SMOC1: variants seen among roughly 807,000 people sequenced by gnomAD.
SMOC1 encodes the protein SPARC related modular calcium binding 1.
A neutral mutation model predicts 56.3 loss-of-function variants in SMOC1; 22 were observed. The observed-to-expected ratio is 0.39, with a 90% CI of 0.28 to 0.56. The LOEUF (loss-of-function observed/expected upper bound fraction) is 0.56, where lower values mean the gene tolerates loss of function less well. SMOC1 is among the 20% of genes least tolerant of loss of function. The pLI, the probability that SMOC1 is intolerant of heterozygous loss-of-function variation, is 0.61. For missense variants in SMOC1, 509 were observed against 565.4 expected, an observed-to-expected ratio of 0.90 and a Z score of 1.01; for synonymous variants, 193 against 215.0, an observed-to-expected ratio of 0.90 and a Z score of 0.89.
At position 69,975,756 on chromosome 14, in the gene SMOC1, C is replaced by G; in HGVS notation, c.420C>G (p.Thr140=). 1 of 1,613,072 alleles carries G rather than the reference C, an allele frequency of 6.2e-7. No individual in the cohort carries two copies. The highest frequency in any genetic ancestry group is 1.1e-5 in the South Asian group (1 of 91,024). The change falls in exon 4 of 12, where the codon ACC becomes ACG. Residue 140 remains threonine, a synonymous_variant. Coordinates refer to ENST00000361956, the MANE Select transcript of SMOC1 (RefSeq NM_001034852.3). ...ACACTGGGTACTGCTGGTGTGTCAC[C>G]CCGGATGGGAAGCCCATCAGTGGCT... The part of the protein sequence containing the change: ...HTYTGYCWCV[T]PDGKPISGSS...
intron 7 of SMOC1, 90 bp from the exon 8 acceptor site, chr14:70,010,664 C>A: frequency 7.1e-7 from 1 of 1,410,220 alleles, no homozygotes. Context: ...AGGCCTGGTC[C>A]TTGCTACTTA....
At chr14:70,026,060 C>T (rs77048595) in intron 11 of SMOC1, among the ~76,000 whole-genome samples, 5,940 of 152,282 alleles carry the variant, frequency 0.039, 139 homozygotes, top group Non-Finnish European at 0.044. Context: ...CCTCTAGCAC[C>T]GTACATGGCA....
intron 1 of SMOC1, among the ~76,000 whole-genome samples, chr14:69,932,962 G>T (rs117146868): frequency 0.014 from 2,061 of 152,202 alleles, 24 homozygotes; most frequent in Middle Eastern, 0.031. Flanking sequence ...TGAAGACATG[G>T]AACTCTTCTT....
At chr14:70,009,628 G>A (rs1323128717) in intron 7 of SMOC1, among the ~76,000 whole-genome samples, 1 of 151,878 alleles carries the variant, frequency 6.6e-6, no homozygotes, top group Non-Finnish European at 1.5e-5. Flanking sequence ...GTAGAATAGT[G>A]GTATGAAAAA....
chr14:70,011,532 A>C lies in SMOC1; in HGVS notation c.905A>C (p.Glu302Ala), dbSNP rs758672798. The change falls in exon 9 of 12, where the codon GAG becomes GCG. Residue 302 changes from glutamate (E) to alanine (A), a missense_variant. Physicochemically the swap from Glu to Ala is moderately radical, Grantham distance 107. Coordinates refer to ENST00000361956, the MANE Select transcript of SMOC1 (RefSeq NM_001034852.3). Reference protein sequence around the residue: ...CESDARAKTTEADDPFKDREL... With the variant: ...CESDARAKTTAADDPFKDREL... ...AGCGACGCCAGGGCCAAGACTACAG[A>C]GGCGGATGACCCCTTCAAGGACAGG... The C allele has an allele frequency of 8.1e-6, 13 of 1,611,412 alleles. 1 individual carries two copies. The South Asian group carries it at 1.4e-4, about 18-fold the overall frequency.
chr14:69,968,902 G>A (rs550032681), intron 3 of SMOC1, among the ~76,000 whole-genome samples: 2 of 152,218 alleles, frequency 1.3e-5, no homozygotes, highest in African/African-American at 4.8e-5. Context: ...GACAGATGGG[G>A]AGAAATGAAG....
chr14:69,889,451 C>A (rs722814), intron 1 of SMOC1, among the ~76,000 whole-genome samples: 16,386 of 152,206 alleles, frequency 0.11, 1,242 homozygotes, highest in African/African-American at 0.22. Context: ...CAACCAGGAG[C>A]AGCCTCAGCA....
At chr14:69,952,960 G>A (rs1488950912) in intron 2 of SMOC1, among the ~76,000 whole-genome samples, 1 of 152,172 alleles carries the variant, frequency 6.6e-6, no homozygotes, top group Non-Finnish European at 1.5e-5. Context: ...AGTCCTGTAC[G>A]TATTTGAATT....
At chr14:70,009,631 A>G (rs1885263863) in intron 7 of SMOC1, among the ~76,000 whole-genome samples, 1 of 152,228 alleles carries the variant, frequency 6.6e-6, no homozygotes, top group Non-Finnish European at 1.5e-5. Flanking sequence ...GAATAGTGGT[A>G]TGAAAAAAAT....
intron 7 of SMOC1, among the ~76,000 whole-genome samples, chr14:70,005,760 G>A (rs1360080873): frequency 2.6e-5 from 4 of 152,160 alleles, no homozygotes; most frequent in South Asian, 4.2e-4. Flanking sequence ...AGGATTATAG[G>A]GGCGGGCGTG....
Position 70,010,839 on chromosome 14 carries a change from A to C in SMOC1, c.750A>C (p.Glu250Asp). ...QNPREGIVIPECAPGGLYKPV... is the reference protein window; with the variant it reads ...QNPREGIVIPDCAPGGLYKPV... ...CCCGTGAGGGTATTGTCATCCCTGAATGTGCCCCTGGGGGACTCTATAAGC... is the reference window on the plus strand; with the variant it reads ...CCCGTGAGGGTATTGTCATCCCTGACTGTGCCCCTGGGGGACTCTATAAGC... The change falls in exon 8 of 12, where the codon GAA (glutamate) becomes GAC (aspartate). Residue 250 changes from glutamate (E) to aspartate (D), a missense_variant. This residue lies in a region of SMOC1 where 315 missense variants were observed against 333.1 expected (regional missense o/e 0.95). Transcript: ENST00000361956. 3 of 1,614,176 alleles carry C rather than the reference A, an allele frequency of 1.9e-6. No individual in the cohort carries two copies. Among genetic ancestry groups the C allele is most frequent in the Non-Finnish European group, 2.5e-6 (3 of 1,180,018 alleles).
intron 4 of SMOC1, 113 bp from the exon 5 acceptor site, chr14:69,977,805 A>G (rs1884022106): frequency 3.7e-6 from 3 of 820,540 alleles, no homozygotes; most frequent in East Asian, 2.5e-5. Context: ...TGTGTATACA[A>G]TACATATATA....
At chr14:70,020,427 G>T (rs1384222229) in intron 10 of SMOC1, among the ~76,000 whole-genome samples, 1 of 152,150 alleles carries the variant, frequency 6.6e-6, no homozygotes, top group East Asian at 1.9e-4. Context: ...CTTATTTAGG[G>T]ATTTGAGGGT....
At position 70,030,391 on chromosome 14, in the gene SMOC1, T is replaced by C. The variant is rs1886101023; in HGVS notation, c.*133T>C. 3 of 1,095,904 alleles carry C rather than the reference T, an allele frequency of 2.7e-6. No individual in the cohort carries two copies. The highest frequency in any genetic ancestry group is 2.4e-5 in the East Asian group (1 of 42,054). 67.9% of individuals were successfully genotyped at this position (1,095,904 alleles called of 1,614,324 possible). On this transcript the variant is annotated 3_prime_UTR_variant, in exon 12 of 12. Coordinates refer to ENST00000361956, the MANE Select transcript of SMOC1 (RefSeq NM_001034852.3). Reference sequence around the variant, plus strand: ...AGTGGTGCCCACCATGTTTGCACTTTTAATAACTCTTACTTGCGTGTTTTG... The same window carrying C: ...AGTGGTGCCCACCATGTTTGCACTTCTAATAACTCTTACTTGCGTGTTTTG...
intron 1 of SMOC1, among the ~76,000 whole-genome samples, chr14:69,906,541 G>T (rs1418679272): frequency 6.6e-6 from 1 of 152,214 alleles, no homozygotes; most frequent in African/African-American, 2.4e-5. Flanking sequence ...GACAAATCAT[G>T]CCTTCTCTGT....
In SMOC1 at chr14:70,030,422, G is replaced by T; in HGVS notation, c.*164G>T. ...ACTCTTACTTGCGTGTTTTGTTTTT[G>T]GTTTCATTTTAAAACACCAATATCT... On this transcript the variant is annotated 3_prime_UTR_variant, in exon 12 of 12. Coordinates refer to ENST00000361956, the MANE Select transcript of SMOC1 (RefSeq NM_001034852.3). 5.9e-6 allele frequency: 5 copies of T among 847,824 alleles called. No individual in the cohort carries two copies. The highest frequency in any genetic ancestry group is 2.5e-5 in the East Asian group (1 of 39,382). The allele number at this position is 847,824 out of a possible 1,614,324, so 52.5% of individuals were successfully genotyped here.
intron 9 of SMOC1, 34 bp from the exon 10 acceptor site, chr14:70,013,352 G>A: frequency 6.4e-7 from 1 of 1,562,134 alleles, no homozygotes; most frequent in Non-Finnish European, 8.8e-7. Context: ...ATTATTATCT[G>A]GCATCTACCT....
intron 11 of SMOC1, among the ~76,000 whole-genome samples, 167 bp from the exon 12 acceptor site, chr14:70,030,075 A>T (rs1360487203): frequency 6.6e-6 from 1 of 152,158 alleles, no homozygotes; most frequent in Non-Finnish European, 1.5e-5. Flanking sequence ...AGTCCAGGCA[A>T]CCTGTGCCCC....
chr14:70,016,429 GTT>G lies in SMOC1; in HGVS notation c.1046+2939_1046+2940del, dbSNP rs569203544. ...GACTTGAACTGCCTTTGGTAGTTATGTTACCTAGAGGATGGACTTTAATCAAA... is the reference window on the plus strand; with the variant it reads ...GACTTGAACTGCCTTTGGTAGTTATGACCTAGAGGATGGACTTTAATCAAA... On this transcript the variant is annotated intron_variant, in intron 10 of 11. Transcript: ENST00000361956. 6.0e-4 allele frequency among the ~76,000 whole-genome samples: 91 copies of G among 152,314 alleles called. 1 individual carries two copies. In the South Asian group the frequency reaches 0.018, roughly 30 times the overall value.
Sources: gnomAD v4.1 joint callset for allele counts (sites outside exome capture counted in the v4.1 genomes callset) on GRCh38, gnomAD v4.1.1 for gene constraint, gnomAD v4.1.1 regional missense constraint, MANE v1.5 for transcripts, NCBI Gene and HGNC (gene_info 2026-07-23, HGNC 2026-07-21) for gene names.